AGBL1: variants seen among roughly 807,000 people sequenced by gnomAD.
AGBL1 encodes the protein AGBL carboxypeptidase 1, also known as cytosolic carboxypeptidase 4.
Under a neutral mutation model 118.9 loss-of-function variants are expected in AGBL1, and 130 were observed. That is an observed-to-expected ratio of 1.09 (90% CI 0.95 to 1.26). The LOEUF is 1.26. AGBL1 is among the 50% of genes most tolerant of loss of function. The pLI is 0.00. For synonymous variants in AGBL1, 555 were observed against 478.9 expected, an observed-to-expected ratio of 1.16 and a Z score of -2.08; for missense variants, 1,584 against 1,298.1, an observed-to-expected ratio of 1.22 and a Z score of -3.38.
intron 21 of AGBL1, among the ~76,000 whole-genome samples, chr15:86,587,597 G>T (rs2084270935): frequency 6.6e-6 from 1 of 152,198 alleles, no homozygotes; most frequent in South Asian, 2.1e-4. Context: ...GTGGCACTGG[G>T]TTTGCTGCAG....
intron 21 of AGBL1, among the ~76,000 whole-genome samples, chr15:86,596,958 G>A (rs2084417123): frequency 6.6e-6 from 1 of 152,054 alleles, no homozygotes; most frequent in Non-Finnish European, 1.5e-5. Context: ...CTAGTATTGT[G>A]TACCTAAAAT....
chr15:86,227,916 G>T (rs2078392912), intron 6 of AGBL1, among the ~76,000 whole-genome samples: 1 of 152,160 alleles, frequency 6.6e-6, no homozygotes, highest in African/African-American at 2.4e-5. Context: ...CCAATGTGTG[G>T]GTAGGAGAAT....
At chr15:86,120,813 A>G (rs1209113379) in intron 1 of AGBL1, among the ~76,000 whole-genome samples, 2 of 152,138 alleles carry the variant, frequency 1.3e-5, no homozygotes, top group Non-Finnish European at 2.9e-5. Context: ...TTTCTGCCCC[A>G]AGGATAAAAG....
intron 22 of AGBL1, among the ~76,000 whole-genome samples, chr15:86,840,531 C>A (rs925265003): frequency 1.3e-5 from 2 of 152,152 alleles, no homozygotes; most frequent in African/African-American, 4.8e-5. Context: ...CTGCAACCTC[C>A]GCCTCCGTGG....
At chr15:86,324,455 T>A (rs938486365) in intron 17 of AGBL1, among the ~76,000 whole-genome samples, 42 of 152,358 alleles carry the variant, frequency 2.8e-4, no homozygotes, top group African/African-American at 9.6e-4. Flanking sequence ...TCCACTGATG[T>A]GAGGCAGCTG....
chr15:86,556,197 G>A (rs2083731443), intron 21 of AGBL1: 1 of 1,593,734 alleles, frequency 6.3e-7, no homozygotes, highest in Admixed American at 1.7e-5. Context: ...ATAGGTTCAG[G>A]CCCTCACCAA....
intron 19 of AGBL1, among the ~76,000 whole-genome samples, chr15:86,542,548 A>T (rs937675647): frequency 6.6e-6 from 1 of 151,812 alleles, no homozygotes; most frequent in Admixed American, 6.6e-5. Flanking sequence ...TTGTATTTTT[A>T]GTAGAGACAG....
intron 21 of AGBL1, among the ~76,000 whole-genome samples, chr15:86,670,108 T>A (rs905142623): frequency 3.3e-5 from 5 of 152,184 alleles, no homozygotes; most frequent in African/African-American, 1.2e-4. Flanking sequence ...TTATTATATA[T>A]AATACTGTCA....
chr15:86,174,988 C>T (rs191917492), intron 5 of AGBL1, among the ~76,000 whole-genome samples: 11 of 151,986 alleles, frequency 7.2e-5, no homozygotes, highest in East Asian at 5.8e-4. Context: ...ATCCTTGTTT[C>T]GTTTCAGTAT....
intron 17 of AGBL1, among the ~76,000 whole-genome samples, chr15:86,345,400 T>C (rs1053015213): frequency 6.6e-6 from 1 of 152,364 alleles, no homozygotes. Context: ...TTCCAGGCAC[T>C]GTGCTAGGCA....
rs542578278 is a variant in AGBL1 at position 86,207,223 on chromosome 15, T to C, written c.489-17691T>C. Among the ~76,000 whole-genome samples, 9 of 152,346 alleles carry C rather than the reference T, an allele frequency of 5.9e-5. No individual in the cohort carries two copies. The South Asian group carries it at 1.0e-3, about 18-fold the overall frequency. On this transcript the variant is annotated intron_variant, in intron 5 of 22. Transcript: ENST00000614907. Reference sequence around the variant, plus strand: ...GTTTTGGTTACTGTAGCTTGTAGTATAGTTTGAAGTCAGGCAGCATGATGC... The same window carrying C: ...GTTTTGGTTACTGTAGCTTGTAGTACAGTTTGAAGTCAGGCAGCATGATGC...
chr15:86,749,977 T>C (rs1403729832), intron 22 of AGBL1, among the ~76,000 whole-genome samples: 1 of 152,156 alleles, frequency 6.6e-6, no homozygotes, highest in Non-Finnish European at 1.5e-5. Context: ...TTCTCTTTTT[T>C]TGTTGTGTCT....
In AGBL1 at chr15:86,684,110, G is replaced by A. The variant is rs142023604; in HGVS notation, c.3158+9674G>A. Among the ~76,000 whole-genome samples, 852 of 152,212 alleles carry A rather than the reference G, an allele frequency of 5.6e-3. 8 individuals carry two copies. The highest frequency in any genetic ancestry group is 0.019 in the African/African-American group (801 of 41,544). On this transcript the variant is annotated intron_variant, in intron 22 of 22. Coordinates refer to ENST00000614907, the MANE Select transcript of AGBL1 (RefSeq NM_001386094.1). ...GAGAAGGGATGGAGGGAAGGAAAGA[G>A]GGAGGGAGGCTAATGAACAGGAGAA...
chr15:87,027,027 C>T (rs531071580), intron 24 of AGBL1, among the ~76,000 whole-genome samples: 25 of 152,002 alleles, frequency 1.6e-4, no homozygotes, highest in African/African-American at 5.5e-4. Context: ...CTACAAATAG[C>T]GTGCAGTGCA....
chr15:86,531,954 C>A (rs960880503), intron 19 of AGBL1, among the ~76,000 whole-genome samples: 1 of 151,346 alleles, frequency 6.6e-6, no homozygotes, highest in African/African-American at 2.4e-5. Flanking sequence ...ATTGATGGGA[C>A]GTATTTCAAA....
intron 18 of AGBL1, among the ~76,000 whole-genome samples, chr15:86,507,666 A>G (rs2082994102): frequency 6.6e-6 from 1 of 152,074 alleles, no homozygotes; most frequent in Non-Finnish European, 1.5e-5. Flanking sequence ...TTTGAACAGA[A>G]ACTTGAGAGA....
intron 18 of AGBL1, among the ~76,000 whole-genome samples, chr15:86,483,661 C>A (rs756725619): frequency 6.6e-5 from 10 of 152,028 alleles, no homozygotes; most frequent in Admixed American, 3.9e-4. Flanking sequence ...TAACTCTGCC[C>A]CAATCACTGT....
At chr15:86,570,302 C>A (rs370995728) in intron 21 of AGBL1, among the ~76,000 whole-genome samples, 1 of 152,126 alleles carries the variant, frequency 6.6e-6, no homozygotes, top group South Asian at 2.1e-4. Flanking sequence ...TTGACACCAT[C>A]GTGAGAAGGA....
chr15:86,154,689 A>G, intron 4 of AGBL1, 128 bp downstream of exon 4: 3 of 1,194,704 alleles, frequency 2.5e-6, no homozygotes, highest in Non-Finnish European at 2.2e-6. Context: ...CCAGCCAGAT[A>G]AATAAAAGAG....
Sources: allele counts gnomAD v4.1 joint callset (sites outside exome capture counted in the v4.1 genomes callset), GRCh38; gene constraint gnomAD v4.1.1; transcripts MANE v1.5; gene names NCBI Gene and HGNC (gene_info 2026-07-23, HGNC 2026-07-21).